MAST4: variants seen among roughly 807,000 people sequenced by gnomAD.
The protein encoded by MAST4 is microtubule associated serine/threonine kinase family member 4.
MAST4 carries 89 observed loss-of-function variants against 162.7 expected under a neutral mutation model. The observed-to-expected ratio is 0.55, with a 90% CI of 0.46 to 0.65. The LOEUF (loss-of-function observed/expected upper bound fraction) is 0.65, where lower values mean the gene tolerates loss of function less well. MAST4 is among the 30% of genes least tolerant of loss of function. The probability of loss-of-function intolerance (pLI) is 0.00; values close to 1 mark genes in which losing one functional copy is unlikely to be tolerated. For synonymous variants in MAST4, 1,479 were observed against 1,361.1 expected, an observed-to-expected ratio of 1.09 and a Z score of -1.91; for missense variants, 3,153 against 3,374.0, an observed-to-expected ratio of 0.93 and a Z score of 1.62.
chr5:67,042,486 G>A (rs1289294135), intron 4 of MAST4, among the ~76,000 whole-genome samples: 1 of 151,536 alleles, frequency 6.6e-6, no homozygotes, highest in Admixed American at 6.6e-5. Context: ...AAAGACATCT[G>A]TCAAGTTAAT....
At chr5:66,710,937 T>A (rs940070595) in intron 1 of MAST4, among the ~76,000 whole-genome samples, 1 of 152,250 alleles carries the variant, frequency 6.6e-6, no homozygotes, top group Non-Finnish European at 1.5e-5. Flanking sequence ...AAAGTGAATA[T>A]GCCCGTGTAA....
chr5:66,901,900 G>T (rs74867221), intron 4 of MAST4, among the ~76,000 whole-genome samples: 3,204 of 152,104 alleles, frequency 0.021, 112 homozygotes, highest in African/African-American at 0.074. Flanking sequence ...CTCATGCAAG[G>T]TTCTTTTATG....
chr5:66,691,334 G>A (rs938862961), intron 1 of MAST4, among the ~76,000 whole-genome samples: 2 of 152,110 alleles, frequency 1.3e-5, no homozygotes. Context: ...TTTTTCAAGT[G>A]TCTTAACTCC....
At chr5:66,922,794 T>C (rs1259943150) in intron 4 of MAST4, among the ~76,000 whole-genome samples, 2 of 152,216 alleles carry the variant, frequency 1.3e-5, no homozygotes, top group African/African-American at 4.8e-5. Context: ...GGATTTCTAC[T>C]TAATGCCATC....
intron 3 of MAST4, among the ~76,000 whole-genome samples, chr5:66,875,753 A>G (rs529929549): frequency 6.6e-6 from 1 of 152,160 alleles, no homozygotes; most frequent in East Asian, 1.9e-4. Context: ...AGTTCTATGT[A>G]TTTTTTTTAT....
chr5:66,992,506 C>T (rs1321179935), intron 4 of MAST4, among the ~76,000 whole-genome samples: 2 of 152,192 alleles, frequency 1.3e-5, no homozygotes, highest in Admixed American at 1.3e-4. Context: ...CTATACCTTG[C>T]ACTTTCATCT....
intron 4 of MAST4, among the ~76,000 whole-genome samples, chr5:67,004,128 G>A (rs547931345): frequency 1.3e-5 from 2 of 152,304 alleles, no homozygotes; most frequent in African/African-American, 4.8e-5. Flanking sequence ...TTTCCGGGAC[G>A]GATCCATTCC....
chr5:66,953,149 G>A (rs1744898322), intron 4 of MAST4, among the ~76,000 whole-genome samples: 2 of 152,146 alleles, frequency 1.3e-5, no homozygotes, highest in Admixed American at 1.3e-4. Flanking sequence ...TTCTTTGAAA[G>A]TTTTCCTCAA....
intron 3 of MAST4, among the ~76,000 whole-genome samples, chr5:66,834,423 TGTGCTC>T (rs1757818148): frequency 6.6e-6 from 1 of 152,142 alleles, no homozygotes; most frequent in Non-Finnish European, 1.5e-5. Flanking sequence ...GAACTCTTGT[TGTGCTC>T]CCCATTAGCA....
chr5:66,830,544 G>C (rs187935243), intron 3 of MAST4, among the ~76,000 whole-genome samples: 2 of 152,204 alleles, frequency 1.3e-5, no homozygotes, highest in Non-Finnish European at 2.9e-5. Flanking sequence ...TAATGGATAA[G>C]GAATATTTTC....
At chr5:67,001,878 T>A (rs893617618) in intron 4 of MAST4, 2 of 152,364 alleles carry the variant, frequency 1.3e-5, no homozygotes, top group Admixed American at 6.5e-5. Context: ...CACATAGTTC[T>A]CATAGTTTCA....
chr5:66,966,844 C>T (rs1206779620), intron 4 of MAST4, among the ~76,000 whole-genome samples: 1 of 152,208 alleles, frequency 6.6e-6, no homozygotes, highest in Non-Finnish European at 1.5e-5. Context: ...GACTTACTTA[C>T]ACTGCAATTT....
rs563651345 is a variant in MAST4, at chr5:67,132,357, A to C, written c.2093+406A>C. Among the ~76,000 whole-genome samples the C allele has an allele frequency of 8.5e-5, 13 of 152,178 alleles. No homozygotes were observed. The South Asian group carries it at 2.7e-3, about 32-fold the overall frequency. On this transcript the variant is annotated intron_variant, in intron 16 of 28. Coordinates refer to ENST00000403625, the MANE Select transcript of MAST4 (RefSeq NM_001164664.2). ...CACCCCCAATGATGCTTATATTAATAACTTATCAGCAACAAGAGAAAAAGA... is the reference window on the plus strand; with the variant it reads ...CACCCCCAATGATGCTTATATTAATCACTTATCAGCAACAAGAGAAAAAGA...
chr5:66,947,646 T>C (rs1308921622), intron 4 of MAST4, among the ~76,000 whole-genome samples: 2 of 152,222 alleles, frequency 1.3e-5, no homozygotes, highest in African/African-American at 4.8e-5. Flanking sequence ...CCTTGCCTTA[T>C]ATAATCCTCC....
At chr5:66,704,365 T>A (rs995241757) in intron 1 of MAST4, among the ~76,000 whole-genome samples, 11 of 152,194 alleles carry the variant, frequency 7.2e-5, no homozygotes, top group Non-Finnish European at 1.3e-4. Context: ...GTTACTCCTG[T>A]CTATGTAACA....
chr5:66,919,996 C>T (rs973965187), intron 4 of MAST4, among the ~76,000 whole-genome samples: 3 of 144,744 alleles, frequency 2.1e-5, no homozygotes, highest in African/African-American at 7.8e-5. Context: ...CTCTCTCTCT[C>T]TCTTTCTAAT....
intron 1 of MAST4, among the ~76,000 whole-genome samples, chr5:66,600,353 A>G (rs1742474597): frequency 6.6e-6 from 1 of 152,218 alleles, no homozygotes; most frequent in Non-Finnish European, 1.5e-5. Context: ...CACTGTCTAG[A>G]TTGAAGGACT....
intron 1 of MAST4, among the ~76,000 whole-genome samples, chr5:66,756,927 A>G (rs917984870): frequency 6.6e-6 from 1 of 152,186 alleles, no homozygotes; most frequent in Non-Finnish European, 1.5e-5. Context: ...GATTTAAAAT[A>G]ATACTCCCTT....
intron 1 of MAST4, among the ~76,000 whole-genome samples, chr5:66,713,357 G>C (rs1480523239): frequency 6.6e-6 from 1 of 152,156 alleles, no homozygotes; most frequent in Non-Finnish European, 1.5e-5. Context: ...TGGGACCATA[G>C]AATATGAGTA....
Sources: gnomAD v4.1 joint callset for allele counts (sites outside exome capture counted in the v4.1 genomes callset) on GRCh38, gnomAD v4.1.1 for gene constraint, MANE v1.5 for transcripts, NCBI Gene and HGNC (gene_info 2026-07-23, HGNC 2026-07-21) for gene names.